CAMK2D: variants seen among roughly 807,000 people sequenced by gnomAD.
CAMK2D encodes calcium/calmodulin-dependent protein kinase type II subunit delta.
In CAMK2D, 37 loss-of-function variants were observed where a neutral mutation model predicts 84.0. The ratio of observed to expected loss-of-function variants is 0.44; its 90% CI spans 0.34 to 0.58. The LOEUF is 0.58. CAMK2D is among the 20% of genes least tolerant of loss of function. The pLI is 0.02. For synonymous variants in CAMK2D, 202 were observed against 212.5 expected (o/e 0.95, Z 0.43); for missense variants, 448 against 652.5 (o/e 0.69, Z 3.41).
At chr4:113,704,917 G>A (rs1279098969) in intron 2 of CAMK2D, among the ~76,000 whole-genome samples, 1 of 144,962 alleles carries the variant, frequency 6.9e-6, no homozygotes, top group Non-Finnish European at 1.5e-5. Flanking sequence ...TAGAACCAGG[G>A]TTAAACAAAC....
chr4:113,639,124 A>AC (rs2099121834), intron 3 of CAMK2D, among the ~76,000 whole-genome samples: 2 of 150,990 alleles, frequency 1.3e-5, no homozygotes, highest in Non-Finnish European at 2.9e-5. Context: ...GTGCACCTGT[A>AC]GCCCCAGCTT....
intron 2 of CAMK2D, among the ~76,000 whole-genome samples, chr4:113,706,760 C>T (rs185933638): frequency 1.2e-4 from 19 of 152,136 alleles, no homozygotes; most frequent in African/African-American, 4.6e-4. Flanking sequence ...ATTAGAAGTG[C>T]TTTTAAAATG....
At chr4:113,534,715 A>G (rs1051831388) in intron 7 of CAMK2D, among the ~76,000 whole-genome samples, 2 of 152,208 alleles carry the variant, frequency 1.3e-5, no homozygotes, top group Non-Finnish European at 2.9e-5. Context: ...GACAATTTTG[A>G]AAACTTATTG....
At chr4:113,510,410 C>T (rs184983304) in intron 12 of CAMK2D, among the ~76,000 whole-genome samples, 6 of 152,126 alleles carry the variant, frequency 3.9e-5, no homozygotes, top group South Asian at 2.1e-4. Flanking sequence ...AAATCTTCAA[C>T]GAAATTAGAG....
intron 3 of CAMK2D, among the ~76,000 whole-genome samples, chr4:113,658,832 T>C (rs1561652418): frequency 6.6e-6 from 1 of 152,186 alleles, no homozygotes; most frequent in Non-Finnish European, 1.5e-5. Context: ...TCTCTTGTGG[T>C]TAGAAATGGG....
chr4:113,689,628 T>A (rs929480521), intron 2 of CAMK2D, among the ~76,000 whole-genome samples: 1 of 152,216 alleles, frequency 6.6e-6, no homozygotes, highest in Non-Finnish European at 1.5e-5. Flanking sequence ...GGCTTAAATA[T>A]TCTCCCCTTG....
At chr4:113,542,866 CTCTT>C (rs1465154060) in intron 6 of CAMK2D, among the ~76,000 whole-genome samples, 2 of 152,150 alleles carry the variant, frequency 1.3e-5, no homozygotes, top group Non-Finnish European at 2.9e-5. Flanking sequence ...TAAAATCTCT[CTCTT>C]TCTCTCTCTC....
chr4:113,604,189 A>G (rs973385638), intron 4 of CAMK2D, among the ~76,000 whole-genome samples: 32 of 152,264 alleles, frequency 2.1e-4, no homozygotes, highest in African/African-American at 7.7e-4. Context: ...TAGTTATTTT[A>G]TCTCGGAACT....
chr4:113,760,989 G>A lies in CAMK2D; in HGVS notation c.65+15C>T. ...CTGGAAAGGGGATATGCGGATGCCGGGCAAAGGTGCTTACTTTCCAAGCTC... is the reference window on the plus strand; with the variant it reads ...CTGGAAAGGGGATATGCGGATGCCGAGCAAAGGTGCTTACTTTCCAAGCTC... On this transcript the variant is annotated intron_variant, in intron 1 of 20. Transcript: ENST00000511664. The A allele has an allele frequency of 2.5e-6, 4 of 1,614,112 alleles. No homozygotes were observed. The highest frequency in any genetic ancestry group is 3.4e-6 in the Non-Finnish European group (4 of 1,179,996).
intron 18 of CAMK2D, among the ~76,000 whole-genome samples, chr4:113,458,890 A>G (rs899678570): frequency 6.6e-5 from 10 of 152,190 alleles, no homozygotes; most frequent in African/African-American, 7.2e-5. Context: ...AATTCCCTTA[A>G]TGCAAGATGC....
intron 2 of CAMK2D, among the ~76,000 whole-genome samples, chr4:113,663,207 T>C (rs2099242293): frequency 6.6e-6 from 1 of 152,216 alleles, no homozygotes; most frequent in South Asian, 2.1e-4. Context: ...TTTAGAAGTA[T>C]GCAAGCAAAC....
At chr4:113,686,141 C>A (rs1369800280) in intron 2 of CAMK2D, among the ~76,000 whole-genome samples, 2 of 151,420 alleles carry the variant, frequency 1.3e-5, no homozygotes, top group Non-Finnish European at 2.9e-5. Flanking sequence ...TGATTCTAAG[C>A]AAGATATCTG....
intron 4 of CAMK2D, among the ~76,000 whole-genome samples, chr4:113,576,869 C>A (rs1262356652): frequency 1.3e-5 from 2 of 152,090 alleles, no homozygotes; most frequent in African/African-American, 4.8e-5. Context: ...TCCCCTCCCT[C>A]ATTTCCCTAT....
intron 2 of CAMK2D, among the ~76,000 whole-genome samples, chr4:113,716,173 G>C (rs1465128245): frequency 6.6e-6 from 1 of 152,110 alleles, no homozygotes; most frequent in Non-Finnish European, 1.5e-5. Flanking sequence ...GTTAAATTTA[G>C]TCTACGATTT....
chr4:113,711,551 A>G (rs1336703793), intron 2 of CAMK2D, among the ~76,000 whole-genome samples: 1 of 152,220 alleles, frequency 6.6e-6, no homozygotes, highest in Non-Finnish European at 1.5e-5. Flanking sequence ...CAACTGCAAA[A>G]GTAAATTGAA....
rs151198825 is a variant in CAMK2D at position 113,468,184 on chromosome 4, T to C, written c.1136-2580A>G. Reference sequence around the variant, plus strand: ...TCGGGTGTATATGGCCATCTTTTACTTTCTGAACCACTGTGGAAATACGCA... The same window carrying C: ...TCGGGTGTATATGGCCATCTTTTACCTTCTGAACCACTGTGGAAATACGCA... On this transcript the variant is annotated intron_variant, in intron 16 of 20. Coordinates refer to ENST00000511664, the MANE Select transcript of CAMK2D (RefSeq NM_001321571.2). Among the ~76,000 whole-genome samples the C allele has an allele frequency of 5.6e-3, 854 of 152,298 alleles. 15 individuals are homozygous for C. The highest frequency in any genetic ancestry group is 0.02 in the African/African-American group (811 of 41,566).
intron 6 of CAMK2D, among the ~76,000 whole-genome samples, chr4:113,541,840 C>T (rs926545883): frequency 1.3e-5 from 2 of 148,482 alleles, no homozygotes; most frequent in African/African-American, 2.5e-5. Flanking sequence ...TAAACTATTT[C>T]TTTTTTTTTT....
At chr4:113,581,529 A>AAAAAAAAAAAAAAAAAAAAAAAGAAAAAG in intron 4 of CAMK2D, among the ~76,000 whole-genome samples, 1 of 121,878 alleles carries the variant, frequency 8.2e-6, no homozygotes, top group Non-Finnish European at 1.6e-5. Context: ...AAAAAAAAAA[A>AAAAAAAAAAAAAAAAAAAAAAAGAAAAAG]AAAAGAAAAG....
intron 2 of CAMK2D, among the ~76,000 whole-genome samples, chr4:113,706,925 T>G (rs1205864390): frequency 6.6e-6 from 1 of 152,198 alleles, no homozygotes; most frequent in Non-Finnish European, 1.5e-5. Flanking sequence ...TTAAAAAGTT[T>G]TTTTTTTCAC....
Sources: gnomAD v4.1 joint callset for allele counts (sites outside exome capture counted in the v4.1 genomes callset) on GRCh38, gnomAD v4.1.1 for gene constraint, MANE v1.5 for transcripts, NCBI Gene and HGNC (gene_info 2026-07-23, HGNC 2026-07-21) for gene names.